The following HSD17B3 variants were observed in gnomAD, a reference collection of about 807,000 sequenced individuals.
HSD17B3 encodes the protein 17-beta-hydroxysteroid dehydrogenase type 3.
HSD17B3 carries 29 observed loss-of-function variants against 41.1 expected under a neutral mutation model. That is an observed-to-expected ratio of 0.71 (90% CI 0.53 to 0.96). The LOEUF (loss-of-function observed/expected upper bound fraction) is 0.96, where lower values mean the gene tolerates loss of function less well. Among genes scored for constraint, HSD17B3 ranks in the 40% least tolerant of loss-of-function variants. The pLI, the probability that HSD17B3 is intolerant of heterozygous loss-of-function variation, is 0.00. For synonymous variants in HSD17B3, 126 were observed against 145.6 expected (o/e 0.87, Z 0.97); for missense variants, 323 against 374.6 (o/e 0.86, Z 1.14).
intron 3 of HSD17B3, among the ~76,000 whole-genome samples, chr9:96,254,521 T>C (rs1276087680): frequency 1.3e-5 from 2 of 152,258 alleles, no homozygotes; most frequent in East Asian, 1.9e-4. Context: ...TAGTTGAGAA[T>C]TGACTCTCTT....
intron 2 of HSD17B3, among the ~76,000 whole-genome samples, chr9:96,288,700 G>C (rs1827024909): frequency 6.6e-6 from 1 of 152,038 alleles, no homozygotes; most frequent in Admixed American, 6.6e-5. Flanking sequence ...ACTTTGGGAG[G>C]CCCAGGCCGC....
chr9:96,238,476 A>G lies in HSD17B3; in HGVS notation c.822+2282T>C, dbSNP rs1366488322. On this transcript the variant is annotated intron_variant, in intron 10 of 10. Transcript: ENST00000375263. ...CAAGAGTTGGAGACCAACCTGGCCA[A>G]CATGGTGAAACCCTGTCTCCACTAA... Among the ~76,000 whole-genome samples, 4 of 152,350 alleles carry G rather than the reference A, an allele frequency of 2.6e-5. No individual in the cohort carries two copies. In the South Asian group the frequency reaches 6.2e-4, roughly 24 times the overall value.
chr9:96,242,920 G>A (rs1218418519), intron 9 of HSD17B3, among the ~76,000 whole-genome samples: 1 of 152,162 alleles, frequency 6.6e-6, no homozygotes, highest in Non-Finnish European at 1.5e-5. Context: ...GGCCCCCTGT[G>A]GCTGTGTAGG....
At position 96,286,205 on chromosome 9, in the gene HSD17B3, G is replaced by A. The variant is rs117213027; in HGVS notation, c.201+12211C>T. On this transcript the variant is annotated intron_variant, in intron 2 of 10. Coordinates refer to ENST00000375263, the MANE Select transcript of HSD17B3 (RefSeq NM_000197.2). ...CTAAAACTACAAAAATTAGCCAGGT[G>A]TGCTAGTGGGTGCCTGTAATTCCAG... Among the ~76,000 whole-genome samples the A allele has an allele frequency of 8.4e-3, 1,284 of 152,248 alleles. 17 individuals are homozygous for A. Among genetic ancestry groups the A allele is most frequent in the Non-Finnish European group, 9.0e-3 (612 of 67,994 alleles).
chr9:96,294,139 G>C (rs745938837), intron 2 of HSD17B3, among the ~76,000 whole-genome samples: 5 of 152,066 alleles, frequency 3.3e-5, no homozygotes, highest in Non-Finnish European at 7.4e-5. Flanking sequence ...AAGAGGCTGG[G>C]CACAATGGCT....
At chr9:96,264,615 A>C (rs1474783754) in intron 2 of HSD17B3, among the ~76,000 whole-genome samples, 2 of 152,086 alleles carry the variant, frequency 1.3e-5, no homozygotes, top group Non-Finnish European at 1.5e-5. Flanking sequence ...TCAAGTGATC[A>C]ACCCGCCTCA....
At chr9:96,262,443 G>A (rs1473608603) in intron 2 of HSD17B3, among the ~76,000 whole-genome samples, 5 of 151,418 alleles carry the variant, frequency 3.3e-5, no homozygotes, top group South Asian at 2.1e-4. Flanking sequence ...GGGGTTTCAC[G>A]GGGTTTTGGC....
intron 2 of HSD17B3, among the ~76,000 whole-genome samples, chr9:96,281,242 C>A (rs1258908859): frequency 6.6e-6 from 1 of 152,032 alleles, no homozygotes; most frequent in Non-Finnish European, 1.5e-5. Context: ...GGTCTGGTAA[C>A]ATCTTTCTCA....
intron 2 of HSD17B3, among the ~76,000 whole-genome samples, chr9:96,287,561 T>C (rs1356088427): frequency 1.3e-5 from 2 of 151,280 alleles, no homozygotes; most frequent in Non-Finnish European, 2.9e-5. Flanking sequence ...ATACAAAAAA[T>C]TAGCCAGGCA....
chr9:96,290,594 G>T (rs1827118032), intron 2 of HSD17B3, among the ~76,000 whole-genome samples: 1 of 151,166 alleles, frequency 6.6e-6, no homozygotes, highest in Non-Finnish European at 1.5e-5. Flanking sequence ...AGCACTTTCG[G>T]ATGCCAAGGC....
chr9:96,255,569 T>C (rs537662713), intron 2 of HSD17B3, among the ~76,000 whole-genome samples: 1 of 152,016 alleles, frequency 6.6e-6, no homozygotes, highest in East Asian at 1.9e-4. Flanking sequence ...TTTGTATTTT[T>C]AGTGGAGACA....
At chr9:96,242,005 GAGAAAGA>G (rs1564023495) in intron 9 of HSD17B3, among the ~76,000 whole-genome samples, 9 of 68,494 alleles carry the variant, frequency 1.3e-4, no homozygotes, top group South Asian at 4.5e-4. Context: ...AAGAAAGAAA[GAGAAAGA>G]AAAGAAAGAA....
intron 2 of HSD17B3, among the ~76,000 whole-genome samples, chr9:96,286,884 T>C (rs1351325166): frequency 6.6e-6 from 1 of 152,166 alleles, no homozygotes; most frequent in African/African-American, 2.4e-5. Context: ...GAAATAACCA[T>C]AAAAGTGGGC....
At chr9:96,257,003 G>T (rs1185915513) in intron 2 of HSD17B3, among the ~76,000 whole-genome samples, 2 of 152,026 alleles carry the variant, frequency 1.3e-5, no homozygotes, top group African/African-American at 4.8e-5. Context: ...GGAGTGTGTG[G>T]CACCTCCCCC....
intron 2 of HSD17B3, among the ~76,000 whole-genome samples, chr9:96,279,493 T>G (rs1036540864): frequency 6.6e-6 from 1 of 152,100 alleles, no homozygotes; most frequent in African/African-American, 2.4e-5. Context: ...CCAAGGTGTT[T>G]ATTATGCAGA....
chr9:96,279,339 C>G (rs1826595288), intron 2 of HSD17B3, among the ~76,000 whole-genome samples: 1 of 151,928 alleles, frequency 6.6e-6, no homozygotes, highest in African/African-American at 2.4e-5. Flanking sequence ...AAAGGCAAAA[C>G]AACTCAAAGG....
chr9:96,300,722 C>T (rs1193183783), intron 1 of HSD17B3, among the ~76,000 whole-genome samples: 1 of 152,074 alleles, frequency 6.6e-6, no homozygotes, highest in African/African-American at 2.4e-5. Flanking sequence ...TCATGCTCTT[C>T]ACCTTAACTT....
In HSD17B3 at chr9:96,246,574, A is replaced by C. The variant is rs750390826; in HGVS notation, c.506T>G (p.Leu169Arg). 4 of 1,614,112 alleles carry C rather than the reference A, an allele frequency of 2.5e-6. No individual in the cohort carries two copies. Among genetic ancestry groups the C allele is most frequent in the Non-Finnish European group, 3.4e-6 (4 of 1,180,000 alleles). The change falls in exon 7 of 11, where the codon CTG becomes CGG. Residue 169 changes from leucine to arginine, a missense_variant. Leu to Arg is a moderately radical substitution (Grantham distance 102, BLOSUM62 -2). Transcript: ENST00000375263. ...GCCTTACCTTGATTCCATATGTTTC[A>C]GAATTAGCTGTGTCATCTACAAGAG... ...TSVVKMTQLI[L>R]KHMESRQKGL... is the part of the protein sequence containing the mutation.
intron 2 of HSD17B3, among the ~76,000 whole-genome samples, chr9:96,295,700 C>T (rs966327726): frequency 1.2e-4 from 19 of 152,160 alleles, no homozygotes; most frequent in African/African-American, 4.1e-4. Flanking sequence ...CTAGCAAGTG[C>T]GTCCCAGATG....
Sources: allele counts gnomAD v4.1 joint callset (sites outside exome capture counted in the v4.1 genomes callset), GRCh38; gene constraint gnomAD v4.1.1; transcripts MANE v1.5; gene names NCBI Gene and HGNC (gene_info 2026-07-23, HGNC 2026-07-21).